AR: variants seen among roughly 807,000 people sequenced by gnomAD.
AR encodes dihydrotestosterone receptor.
Under a neutral mutation model 53.9 loss-of-function variants are expected in AR, and 8 were observed. The observed-to-expected ratio is 0.15, with a 90% CI of 0.09 to 0.27. The LOEUF is 0.27. AR is among the 10% of genes least tolerant of loss of function. The pLI, the probability that AR is intolerant of heterozygous loss-of-function variation, is 1.00. For synonymous variants in AR, 359 were observed against 316.4 expected (o/e 1.13, Z -1.43); for missense variants, 639 against 742.5 (o/e 0.86, Z 1.62).
At chrX:67,665,124 T>C (rs911994997) in intron 2 of AR, among the ~76,000 whole-genome samples, 1 of 112,908 alleles carries the variant, frequency 8.9e-6, no homozygotes, top group African/African-American at 3.2e-5. Flanking sequence ...CCCACTGTCC[T>C]GCACCCACCA....
chrX:67,711,365 C>T (rs2076092799), intron 3 of AR, 37 bp from the exon 4 acceptor site: 3 of 1,168,067 alleles, frequency 2.6e-6, no homozygotes, highest in Non-Finnish European at 2.3e-6. Context: ...TTTTTGACCA[C>T]TGATGATAAA....
intron 2 of AR, among the ~76,000 whole-genome samples, chrX:67,669,791 A>G (rs989902044): frequency 2.7e-5 from 3 of 110,390 alleles, no homozygotes; most frequent in Admixed American, 1.9e-4. Context: ...TTATCATTAT[A>G]TAATGACCTT....
intron 2 of AR, among the ~76,000 whole-genome samples, chrX:67,647,475 T>A (rs1313407045): frequency 9.0e-6 from 1 of 110,997 alleles, no homozygotes; most frequent in Admixed American, 9.7e-5. Context: ...TAGCAGAGAG[T>A]TTTTGGTGCA....
At chrX:67,625,898 A>G (rs1055901518) in intron 1 of AR, among the ~76,000 whole-genome samples, 2 of 110,733 alleles carry the variant, frequency 1.8e-5, no homozygotes, top group African/African-American at 6.6e-5. Context: ...AGAGAAAAAA[A>G]ATTTTTTTAA....
intron 1 of AR, among the ~76,000 whole-genome samples, chrX:67,584,849 C>T (rs1922461444): frequency 8.9e-6 from 1 of 112,023 alleles, no homozygotes; most frequent in African/African-American, 3.2e-5. Context: ...GGGGTTAAAC[C>T]GTGAGTAACC....
At chrX:67,718,899 T>A (rs1463005898) in intron 5 of AR, among the ~76,000 whole-genome samples, 1 of 111,792 alleles carries the variant, frequency 8.9e-6, no homozygotes, top group African/African-American at 3.3e-5. Context: ...GGCATGATAA[T>A]CTTTTCTATG....
At chrX:67,663,840 C>T (rs1285040406) in intron 2 of AR, among the ~76,000 whole-genome samples, 1 of 111,398 alleles carries the variant, frequency 9.0e-6, no homozygotes, top group East Asian at 2.8e-4. Flanking sequence ...ATTCTTTTTC[C>T]TCTGAACTTC....
At chrX:67,680,635 A>G in intron 2 of AR, 1 of 322,781 alleles carries the variant, frequency 3.1e-6, no homozygotes, top group Non-Finnish European at 6.0e-6. Context: ...AATGAAGATG[A>G]TGACTCAACC....
chrX:67,685,259 T>C (rs1349465064), intron 2 of AR, among the ~76,000 whole-genome samples: 1 of 111,899 alleles, frequency 8.9e-6, no homozygotes, highest in Non-Finnish European at 1.9e-5. Context: ...GAGCAAAGTA[T>C]TGAGCAAAAT....
At chrX:67,685,566 C>T (rs779012403) in intron 2 of AR, among the ~76,000 whole-genome samples, 20 of 111,438 alleles carry the variant, frequency 1.8e-4, no homozygotes, top group African/African-American at 6.2e-4. Context: ...AAATAAGCAT[C>T]TTATTAGCTC....
intron 1 of AR, among the ~76,000 whole-genome samples, chrX:67,592,057 G>T (rs1312277729): frequency 8.9e-6 from 1 of 112,520 alleles, no homozygotes; most frequent in East Asian, 2.8e-4. Flanking sequence ...AAGATAATGT[G>T]TTCAAGAGTG....
At chrX:67,708,261 T>C (rs1004958061) in intron 3 of AR, among the ~76,000 whole-genome samples, 7 of 112,009 alleles carry the variant, frequency 6.2e-5, no homozygotes, top group Admixed American at 1.9e-4. Flanking sequence ...CCATTCTCCC[T>C]GTCACTTTCA....
At chrX:67,693,855 C>G (rs770514408) in intron 3 of AR, among the ~76,000 whole-genome samples, 1 of 112,072 alleles carries the variant, frequency 8.9e-6, no homozygotes, top group African/African-American at 3.2e-5. Flanking sequence ...ATATATTTTC[C>G]CTTGCTTAAT....
At chrX:67,587,729 C>A (rs1922619359) in intron 1 of AR, among the ~76,000 whole-genome samples, 1 of 111,150 alleles carries the variant, frequency 9.0e-6, no homozygotes, top group South Asian at 3.9e-4. Context: ...CATAGTGTGA[C>A]CCTGGCAAAT....
intron 4 of AR, among the ~76,000 whole-genome samples, chrX:67,715,573 G>A (rs886603456): frequency 1.8e-5 from 2 of 111,903 alleles, no homozygotes; most frequent in African/African-American, 3.3e-5. Context: ...TGGTGACCTT[G>A]GTAGTTCCTG....
At chrX:67,702,699 C>A in intron 3 of AR, among the ~76,000 whole-genome samples, 1 of 112,292 alleles carries the variant, frequency 8.9e-6, no homozygotes, top group South Asian at 3.7e-4. Context: ...AGTTGTTGGT[C>A]CAAACATGTA....
intron 1 of AR, among the ~76,000 whole-genome samples, chrX:67,585,145 A>C (rs746573876): frequency 1.8e-5 from 2 of 108,872 alleles, no homozygotes; most frequent in Non-Finnish European, 3.8e-5. Context: ...AATCCCAGCT[A>C]CTCAGGAGGC....
rs1050533312 is a variant in AR at position 67,615,438 on chromosome X, T to TA, written c.1617-27811dup. Among the ~76,000 whole-genome samples, 4 of 110,594 alleles carry TA rather than the reference T, an allele frequency of 3.6e-5. No homozygotes were observed. In the Admixed American group the frequency reaches 3.8e-4, roughly 11 times the overall value. ...TCCCATATTCTAAACGTTGAAAGAA[T>TA]AAAAAAACTGTCAGTCAAGAATCAT... On this transcript the variant is annotated intron_variant, in intron 1 of 7. Transcript: ENST00000374690.
intron 1 of AR, among the ~76,000 whole-genome samples, chrX:67,602,133 A>G (rs1412489333): frequency 8.9e-6 from 1 of 112,533 alleles, no homozygotes; most frequent in Non-Finnish European, 1.9e-5. Context: ...TAAGTAATAT[A>G]TAATTAGAAA....
Sources: gnomAD v4.1 joint callset for allele counts (sites outside exome capture counted in the v4.1 genomes callset) on GRCh38, gnomAD v4.1.1 for gene constraint, MANE v1.5 for transcripts, NCBI Gene and HGNC (gene_info 2026-07-23, HGNC 2026-07-21) for gene names.